The following KATNIP variants were observed in gnomAD, a reference collection of about 807,000 sequenced individuals.
KATNIP encodes the protein katanin interacting protein.
A neutral mutation model predicts 174.0 loss-of-function variants in KATNIP; 126 were observed. That is an observed-to-expected ratio of 0.72 (90% CI 0.63 to 0.84). The LOEUF (loss-of-function observed/expected upper bound fraction) is 0.84, where lower values mean the gene tolerates loss of function less well. KATNIP is among the 40% of genes least tolerant of loss of function. The pLI, the probability that KATNIP is intolerant of heterozygous loss-of-function variation, is 0.00. For missense variants in KATNIP, 1,958 were observed against 2,109.7 expected (o/e 0.93, Z 1.41); for synonymous variants, 810 against 835.7 (o/e 0.97, Z 0.53).
Position 27,750,021 on chromosome 16 carries a change from T to G in KATNIP, c.3061T>G (p.Leu1021Val), listed in dbSNP as rs775963199. Residue 1021 changes from leucine (L) to valine (V), a missense_variant, in exon 16 of 28, where the codon TTA (leucine) becomes GTA (valine). Around this residue, in one of 3 missense-constraint regions of KATNIP, gnomAD observed 1,557 missense variants for 1,617.8 expected, o/e 0.96. Transcript: ENST00000261588. Reference sequence around the variant, plus strand: ...AGCAGACCCTCCCGATATCAATATTTTACCAGCCTATGGGAAAGACCCCCG... The same window carrying G: ...AGCAGACCCTCCCGATATCAATATTGTACCAGCCTATGGGAAAGACCCCCG... Reference protein sequence around the residue: ...IKADPPDINILPAYGKDPRVV... With the variant: ...IKADPPDINIVPAYGKDPRVV... The G allele has an allele frequency of 6.2e-7, 1 of 1,614,156 alleles. No homozygotes were observed. Among genetic ancestry groups the G allele is most frequent in the South Asian group, 1.1e-5 (1 of 91,082 alleles).
At chr16:27,668,893 C>T (rs1191450659) in intron 6 of KATNIP, among the ~76,000 whole-genome samples, 1 of 152,140 alleles carries the variant, frequency 6.6e-6, no homozygotes, top group Non-Finnish European at 1.5e-5. Context: ...GTAATCCCAG[C>T]TGTTCTGGAG....
At chr16:27,558,972 G>A (rs563117527) in intron 1 of KATNIP, among the ~76,000 whole-genome samples, 2 of 152,340 alleles carry the variant, frequency 1.3e-5, no homozygotes, top group South Asian at 4.1e-4. Flanking sequence ...CACACCTGGA[G>A]AGTGAGTCTG....
chr16:27,579,866 T>C (rs904033045), intron 2 of KATNIP, among the ~76,000 whole-genome samples: 28 of 151,588 alleles, frequency 1.8e-4, no homozygotes, highest in South Asian at 8.4e-4. Flanking sequence ...TGCACACACA[T>C]ACACACACAC....
rs2075660036 is a variant in KATNIP at position 27,605,156 on chromosome 16, C to A, written c.64-13269C>A. 2.0e-5 allele frequency among the ~76,000 whole-genome samples: 3 copies of A among 152,154 alleles called. No individual in the cohort carries two copies. The South Asian group carries it at 6.2e-4, about 32-fold the overall frequency. ...CCATGTTGGCCAGGCTGGTCTCGAA[C>A]TCCTGACCTCAAGTGATCCACCCAC... On this transcript the variant is annotated intron_variant, in intron 2 of 27. Coordinates refer to ENST00000261588, the MANE Select transcript of KATNIP (RefSeq NM_015202.5).
intron 7 of KATNIP, among the ~76,000 whole-genome samples, chr16:27,680,134 C>T (rs983002726): frequency 1.3e-5 from 2 of 152,158 alleles, no homozygotes; most frequent in African/African-American, 4.8e-5. Flanking sequence ...CCCCACCCAC[C>T]AGCCTGTGGG....
intron 14 of KATNIP, among the ~76,000 whole-genome samples, chr16:27,730,424 C>G (rs1318605367): frequency 6.6e-6 from 1 of 152,118 alleles, no homozygotes; most frequent in Non-Finnish European, 1.5e-5. Flanking sequence ...CATTGCCTGT[C>G]TCATTTGCAG....
intron 5 of KATNIP, among the ~76,000 whole-genome samples, chr16:27,643,805 T>C (rs918847405): frequency 1.3e-5 from 2 of 151,826 alleles, no homozygotes; most frequent in Non-Finnish European, 2.9e-5. Context: ...AGATAATCCT[T>C]ATGTTTACTA....
rs1400112435 is a variant in KATNIP, at chr16:27,713,854, A to ATC, written c.1605+4935_1605+4936insCT. The stretch of plus-strand genomic sequence containing the variant: ...TATATATATATATATATATATATAT[A>ATC]TATCTATCTCAGATTGTGCCCTTCC... On this transcript the variant is annotated intron_variant, in intron 13 of 27. Transcript: ENST00000261588. Among the ~76,000 whole-genome samples the ATC allele has an allele frequency of 4.7e-3, 325 of 69,330 alleles. 9 individuals carry two copies. The highest frequency in any genetic ancestry group is 0.013 in the South Asian group (29 of 2,202). 45.5% of individuals were successfully genotyped at this position (69,330 alleles called of 152,430 possible). A position where few individuals can be genotyped will look rare whatever the true frequency, so the allele number is the denominator to read the frequency against.
chr16:27,766,753 T>A (rs1287063437), intron 20 of KATNIP, among the ~76,000 whole-genome samples: 1 of 152,112 alleles, frequency 6.6e-6, no homozygotes, highest in Non-Finnish European at 1.5e-5. Context: ...CCATGGTCAG[T>A]TTTGTCCCTC....
chr16:27,762,236 T>C (rs2081980343), intron 19 of KATNIP, among the ~76,000 whole-genome samples: 1 of 152,058 alleles, frequency 6.6e-6, no homozygotes, highest in African/African-American at 2.4e-5. Context: ...GGGATGGGAG[T>C]TCAAATCCCG....
chr16:27,707,472 G>C (rs529667312), intron 12 of KATNIP, among the ~76,000 whole-genome samples: 1 of 152,218 alleles, frequency 6.6e-6, no homozygotes, highest in Non-Finnish European at 1.5e-5. Flanking sequence ...ACCCAGGGCC[G>C]AGGCTCATGA....
chr16:27,602,611 G>A (rs935050455), intron 2 of KATNIP, among the ~76,000 whole-genome samples: 1 of 152,212 alleles, frequency 6.6e-6, no homozygotes, highest in Non-Finnish European at 1.5e-5. Context: ...AATACATGTA[G>A]AGCCAGCTAG....
In KATNIP at chr16:27,560,044, G is replaced by A. The variant is rs181172983; in HGVS notation, c.7+9867G>A. ...CACGCCTGCAATCCCAACACTTTGG[G>A]AGACTGAGGCGGGCAGATCACGAGG... On this transcript the variant is annotated intron_variant, in intron 1 of 27. Coordinates refer to ENST00000261588, the MANE Select transcript of KATNIP (RefSeq NM_015202.5). 4.6e-5 allele frequency among the ~76,000 whole-genome samples: 7 copies of A among 151,698 alleles called. No individual in the cohort carries two copies. The East Asian group carries it at 1.2e-3, about 25-fold the overall frequency.
chr16:27,559,664 G>A (rs2089775103), intron 1 of KATNIP, among the ~76,000 whole-genome samples: 1 of 145,240 alleles, frequency 6.9e-6, no homozygotes, highest in African/African-American at 2.6e-5. Context: ...CTGGGCAACA[G>A]AGCAAGACCC....
chr16:27,761,057 G>A (rs757182239), intron 18 of KATNIP, among the ~76,000 whole-genome samples: 1 of 152,242 alleles, frequency 6.6e-6, no homozygotes, highest in Non-Finnish European at 1.5e-5. Flanking sequence ...AGTGAGGTCA[G>A]AGAAGTAGAT....
intron 18 of KATNIP, among the ~76,000 whole-genome samples, chr16:27,756,354 G>A (rs542784011): frequency 6.6e-6 from 1 of 152,338 alleles, no homozygotes; most frequent in South Asian, 2.1e-4. Flanking sequence ...TTGAGGCTTG[G>A]TTTCATCTCC....
In KATNIP at chr16:27,723,311, T is replaced by C. The variant is rs200742961; in HGVS notation, c.1743+1616T>C. 2.0e-5 allele frequency among the ~76,000 whole-genome samples: 3 copies of C among 152,124 alleles called. No individual in the cohort carries two copies. The East Asian group carries it at 5.8e-4, about 29-fold the overall frequency. ...CTCATGCCAGGCCTTGCCTCTCTCT[T>C]GTCAGAATGCAGGCTGCCCTGGCTT... On this transcript the variant is annotated intron_variant, in intron 14 of 27. Transcript: ENST00000261588.
intron 8 of KATNIP, chr16:27,687,223 A>C (rs2078557008): frequency 6.6e-6 from 1 of 152,012 alleles, no homozygotes; most frequent in Non-Finnish European, 1.5e-5. Flanking sequence ...TACATCTCTG[A>C]GTTTCTTTCT....
chr16:27,610,218 C>T (rs867779422), intron 2 of KATNIP, among the ~76,000 whole-genome samples: 1 of 152,040 alleles, frequency 6.6e-6, no homozygotes, highest in African/African-American at 2.4e-5. Context: ...GGACAGAAGG[C>T]AGGGAGGAGG....
Sources: allele counts gnomAD v4.1 joint callset (sites outside exome capture counted in the v4.1 genomes callset), GRCh38; gene constraint gnomAD v4.1.1; regional missense constraint gnomAD v4.1.1; transcripts MANE v1.5; gene names NCBI Gene and HGNC (gene_info 2026-07-23, HGNC 2026-07-21).